The following NCAPD3 variants were observed in gnomAD, a reference collection of about 807,000 sequenced individuals.
NCAPD3 encodes the protein non-SMC condensin II complex subunit D3, also known as condensin-2 complex subunit D3.
A neutral mutation model predicts 182.9 loss-of-function variants in NCAPD3; 105 were observed. The observed-to-expected ratio is 0.57, with a 90% CI of 0.49 to 0.68. The LOEUF (loss-of-function observed/expected upper bound fraction) is 0.68, where lower values mean the gene tolerates loss of function less well. NCAPD3 is among the 30% of genes least tolerant of loss of function. NCAPD3 has a pLI of 0.00. For missense variants in NCAPD3, 1,944 were observed against 1,837.0 expected, an observed-to-expected ratio of 1.06 and a Z score of -1.07; for synonymous variants, 815 against 679.9, an observed-to-expected ratio of 1.20 and a Z score of -3.09.
intron 20 of NCAPD3, among the ~76,000 whole-genome samples, chr11:134,179,180 G>A (rs1944237301): frequency 6.6e-6 from 1 of 152,084 alleles, no homozygotes; most frequent in South Asian, 2.1e-4. Flanking sequence ...CAAGTAAAAG[G>A]GGGTGCTATT....
In NCAPD3 at chr11:134,153,198, T is replaced by C. The variant is rs766377216; in HGVS notation, c.4330A>G (p.Lys1444Glu). ...TPRTPSSAKEKIEGRSQGNDI... is the reference protein window; with the variant it reads ...TPRTPSSAKEEIEGRSQGNDI... The stretch of plus-strand genomic sequence containing the variant: ...TTTCCTTGACTCCGGCCTTCAATTT[T>C]CTCTAAAAGGGAGTCAAACAAACAC... Residue 1444 changes from lysine to glutamate, a missense_variant and splice_region_variant, in exon 34 of 35, where the codon AAA becomes GAA. Coordinates refer to ENST00000534548, the MANE Select transcript of NCAPD3 (RefSeq NM_015261.3). 1.5e-5 allele frequency: 24 copies of C among 1,614,140 alleles called. No individual in the cohort carries two copies. The South Asian group carries it at 2.6e-4, about 18-fold the overall frequency.
chr11:134,151,667 C>T lies in NCAPD3; in HGVS notation c.*1277G>A, dbSNP rs148651622. On this transcript the variant is annotated 3_prime_UTR_variant, in exon 35 of 35. Coordinates refer to ENST00000534548, the MANE Select transcript of NCAPD3 (RefSeq NM_015261.3). Reference sequence around the variant, plus strand: ...TGATTCTGCCTTTGGATGGATGTTGCTGTACACAGATGCTACAGACTTGTA... The same window carrying T: ...TGATTCTGCCTTTGGATGGATGTTGTTGTACACAGATGCTACAGACTTGTA... 14 of 152,320 alleles carry T rather than the reference C, an allele frequency of 9.2e-5. No homozygotes were observed. In the East Asian group the frequency reaches 9.6e-4, roughly 10 times the overall value. The allele number at this position is 152,320 out of a possible 1,614,324, so 9.4% of individuals were successfully genotyped here.
At position 134,192,654 on chromosome 11, in the gene NCAPD3, T is replaced by C. The variant is rs373597008; in HGVS notation, c.2045+35A>G. 11 of 1,570,218 alleles carry C rather than the reference T, an allele frequency of 7.0e-6. No individual in the cohort carries two copies. In the African/African-American group the frequency reaches 8.1e-5, roughly 12 times the overall value. On this transcript the variant is annotated intron_variant, in intron 16 of 34. Coordinates refer to ENST00000534548, the MANE Select transcript of NCAPD3 (RefSeq NM_015261.3). ...ATTAATACAAAGTCCTACGGCCTTC[T>C]TCTATAGGGAACACAGGTCATACAG...
At chr11:134,208,216 A>G (rs751624278) in intron 7 of NCAPD3, among the ~76,000 whole-genome samples, 1 of 152,184 alleles carries the variant, frequency 6.6e-6, no homozygotes, top group Admixed American at 6.5e-5. Context: ...CAAAAGCCAC[A>G]TGACCTTGGT....
rs4512875 is a variant in NCAPD3, at chr11:134,180,319, G to C, written c.2559+758C>G. Among the ~76,000 whole-genome samples the C allele has an allele frequency of 5.7e-3, 861 of 152,224 alleles. 5 individuals are homozygous for C. The highest frequency in any genetic ancestry group is 0.02 in the African/African-American group (810 of 41,524). On this transcript the variant is annotated intron_variant, in intron 20 of 34. Coordinates refer to ENST00000534548, the MANE Select transcript of NCAPD3 (RefSeq NM_015261.3). ...GGCCAACAAGCAGAAACTGAACACA[G>C]AAAAGACGTGCTCCACTAATTTAAA...
chr11:134,184,524 C>A (rs1395625993), intron 19 of NCAPD3, 113 bp downstream of exon 19: 2 of 687,988 alleles, frequency 2.9e-6, no homozygotes, highest in East Asian at 5.6e-5. Flanking sequence ...CTGCGGGGGA[C>A]ATCCTTACAC....
intron 26 of NCAPD3, 87 bp from the exon 27 acceptor site, chr11:134,168,282 A>G: frequency 6.9e-7 from 1 of 1,453,910 alleles, no homozygotes; most frequent in East Asian, 2.3e-5. Context: ...CTGGGGGGCC[A>G]TCTGAGGCTG....
At position 134,220,554 on chromosome 11, in the gene NCAPD3, T is replaced by C. The variant is rs773239240; in HGVS notation, c.219+18A>G. The C allele has an allele frequency of 5.0e-6, 8 of 1,599,552 alleles. No individual in the cohort carries two copies. The highest frequency in any genetic ancestry group is 3.4e-5 in the Admixed American group (2 of 58,816). ...CTTCTAACACCAAACTTTGGCTAGT[T>C]TGTTTTTATATTTTTACCTCCATAG... On this transcript the variant is annotated intron_variant, in intron 2 of 34. Transcript: ENST00000534548.
Sources: allele counts gnomAD v4.1 joint callset (sites outside exome capture counted in the v4.1 genomes callset), GRCh38; gene constraint gnomAD v4.1.1; transcripts MANE v1.5; gene names NCBI Gene and HGNC (gene_info 2026-07-23, HGNC 2026-07-21).